Variants in FRMD6 observed in about 807,000 individuals in gnomAD.
FRMD6 encodes FERM domain containing 6.
Under a neutral mutation model 73.2 loss-of-function variants are expected in FRMD6, and 37 were observed. The ratio of observed to expected loss-of-function variants is 0.51; its 90% confidence interval spans 0.39 to 0.66. The LOEUF (loss-of-function observed/expected upper bound fraction) is 0.66. FRMD6 is among the 30% of genes least tolerant of loss of function. The pLI is 0.00. For missense variants in FRMD6, 714 were observed against 780.5 expected (o/e 0.91, Z 1.02); for synonymous variants, 273 against 282.2 (o/e 0.97, Z 0.33).
chr14:51,473,431 C>T, the FRMD6 span, among the ~76,000 whole-genome samples: 8 of 152,182 alleles, frequency 5.3e-5, no homozygotes, highest in Non-Finnish European at 8.8e-5. Flanking sequence ...AGTGTTTCTC[C>T]AGAGGTCACA....
At chr14:51,723,345 C>T (rs1169413115) in intron 12 of FRMD6, among the ~76,000 whole-genome samples, 1 of 152,164 alleles carries the variant, frequency 6.6e-6, no homozygotes, top group East Asian at 1.9e-4. Flanking sequence ...CTGACCTGGA[C>T]TTTGCGTTTA....
chr14:51,703,572 G>A (rs1030351585), intron 5 of FRMD6, among the ~76,000 whole-genome samples: 3 of 151,894 alleles, frequency 2.0e-5, no homozygotes, highest in South Asian at 2.1e-4. Flanking sequence ...CTGGAAAGAA[G>A]GAATATATAT....
the FRMD6 span, among the ~76,000 whole-genome samples, chr14:51,411,041 C>A: frequency 4.6e-5 from 7 of 152,150 alleles, no homozygotes; most frequent in African/African-American, 1.4e-4. Flanking sequence ...TAACCCCTGT[C>A]TTTGTAGAAA....
intron 1 of FRMD6, among the ~76,000 whole-genome samples, chr14:51,671,287 T>G (rs975891425): frequency 3.9e-5 from 6 of 152,184 alleles, no homozygotes; most frequent in African/African-American, 1.4e-4. Flanking sequence ...TTTTTTGGTT[T>G]TCTGGAAAAG....
chr14:51,416,100 C>A, the FRMD6 span, among the ~76,000 whole-genome samples: 2 of 152,132 alleles, frequency 1.3e-5, no homozygotes, highest in Non-Finnish European at 2.9e-5. Context: ...TTTCAAAAAA[C>A]CAGCTCCTGG....
chr14:51,521,350 G>A (rs1169860070), intron 1 of FRMD6, among the ~76,000 whole-genome samples: 1 of 152,072 alleles, frequency 6.6e-6, no homozygotes, highest in Admixed American at 6.5e-5. Context: ...TATACAAATT[G>A]TATTAAAGTA....
At chr14:51,581,703 C>T (rs1446475390) in intron 2 of FRMD6, among the ~76,000 whole-genome samples, 2 of 152,158 alleles carry the variant, frequency 1.3e-5, no homozygotes, top group Admixed American at 6.5e-5. Flanking sequence ...AGATACTTGC[C>T]GAATTCTTGG....
At chr14:51,498,924 A>T (rs1883453845) in intron 1 of FRMD6, among the ~76,000 whole-genome samples, 1 of 152,238 alleles carries the variant, frequency 6.6e-6, no homozygotes, top group African/African-American at 2.4e-5. Context: ...GTCCTACTGC[A>T]CTGCAATTTG....
the FRMD6 span, among the ~76,000 whole-genome samples, chr14:51,444,699 G>A: frequency 6.6e-6 from 1 of 152,130 alleles, no homozygotes; most frequent in Non-Finnish European, 1.5e-5. Flanking sequence ...AAGAAGTCAC[G>A]GAGCCCTATA....
At chr14:51,410,179 G>A in the FRMD6 span, among the ~76,000 whole-genome samples, 1 of 152,162 alleles carries the variant, frequency 6.6e-6, no homozygotes, top group South Asian at 2.1e-4. Flanking sequence ...CCCAAAATTG[G>A]CATTAAAAAA....
intron 2 of FRMD6, among the ~76,000 whole-genome samples, chr14:51,604,070 A>G (rs940487614): frequency 8.5e-5 from 13 of 152,284 alleles, no homozygotes; most frequent in African/African-American, 3.1e-4. Flanking sequence ...AAAATGGAGC[A>G]GTTCAGAAGA....
At chr14:51,488,870 C>T (rs1882844210), upstream of FRMD6, among the ~76,000 whole-genome samples, 1 of 152,220 alleles carries the variant, frequency 6.6e-6, no homozygotes, top group Non-Finnish European at 1.5e-5. Context: ...CTCACACCGG[C>T]CTCTGCTTTT....
intron 1 of FRMD6, among the ~76,000 whole-genome samples, chr14:51,660,611 A>AG (rs1021122959): frequency 1.2e-4 from 11 of 90,384 alleles, no homozygotes; most frequent in African/African-American, 3.0e-4. Context: ...AATAAAATAA[A>AG]GGAAAAAAAA....
chr14:51,626,880 G>GTTATTA (rs1891136823), intron 2 of FRMD6, among the ~76,000 whole-genome samples: 4 of 152,148 alleles, frequency 2.6e-5, no homozygotes, highest in African/African-American at 9.7e-5. Flanking sequence ...ATAATTATTA[G>GTTATTA]CTATAATTTG....
exon 1 of FRMD6, chr14:51,489,214 A>T (rs1257129069): frequency 1.3e-5 from 2 of 152,202 alleles, no homozygotes; most frequent in Non-Finnish European, 2.9e-5. Flanking sequence ...TTCTCTCCAA[A>T]CATTCTTCCT....
chr14:51,492,626 TC>T (rs534734910), intron 1 of FRMD6, among the ~76,000 whole-genome samples: 132 of 152,324 alleles, frequency 8.7e-4, no homozygotes, highest in Admixed American at 8.2e-3. Flanking sequence ...TCAAAGAGTT[TC>T]TCTCATTTTG....
chr14:51,623,675 C>T (rs1891015381), intron 2 of FRMD6, among the ~76,000 whole-genome samples: 1 of 152,218 alleles, frequency 6.6e-6, no homozygotes, highest in South Asian at 2.1e-4. Flanking sequence ...CCCCCTCTCA[C>T]CATTCACGCC....
chr14:51,678,112 A>T (rs971430864), intron 1 of FRMD6, among the ~76,000 whole-genome samples: 1 of 152,168 alleles, frequency 6.6e-6, no homozygotes, highest in South Asian at 2.1e-4. Flanking sequence ...CATATGCCTT[A>T]TAATACCCTA....
At chr14:51,477,651 T>C in the FRMD6 span, among the ~76,000 whole-genome samples, 5 of 152,134 alleles carry the variant, frequency 3.3e-5, no homozygotes, top group Admixed American at 2.6e-4. Context: ...AATTGATAAA[T>C]GGGAAAAGAG....
Sources: allele counts gnomAD v4.1 joint callset (sites outside exome capture counted in the v4.1 genomes callset), GRCh38; gene constraint gnomAD v4.1.1; transcripts MANE v1.5; gene names NCBI Gene and HGNC (gene_info 2026-07-23, HGNC 2026-07-21).